FBLN1: variants seen among roughly 807,000 people sequenced by gnomAD.
The protein encoded by FBLN1 is fibulin-1.
FBLN1 carries 34 observed loss-of-function variants against 89.7 expected under a neutral mutation model. That is an observed-to-expected ratio of 0.38 (90% confidence interval 0.29 to 0.50). The LOEUF (loss-of-function observed/expected upper bound fraction) is 0.50. Ranked by LOEUF, FBLN1 falls within the 20% of genes least tolerant of loss-of-function variation. FBLN1 has a pLI of 0.92. For synonymous variants in FBLN1, 393 were observed against 391.3 expected (o/e 1.00, Z -0.05); for missense variants, 777 against 988.1 (o/e 0.79, Z 2.86).
intron 16 of FBLN1, among the ~76,000 whole-genome samples, chr22:45,586,648 G>A (rs1344143677): frequency 6.6e-6 from 1 of 152,214 alleles, no homozygotes; most frequent in African/African-American, 2.4e-5. Flanking sequence ...TGGTCCCCAC[G>A]GACACATGCC....
At chr22:45,506,408 A>G (rs1434765914) in intron 1 of FBLN1, among the ~76,000 whole-genome samples, 1 of 152,226 alleles carries the variant, frequency 6.6e-6, no homozygotes, top group East Asian at 1.9e-4. Context: ...GGGACAGCTC[A>G]GTGCCAGACA....
rs1264839921 is a variant in FBLN1 at position 45,588,811 on chromosome 22, A to T, written c.1973-11496A>T. Among the ~76,000 whole-genome samples the T allele has an allele frequency of 1.1e-5, 1 of 87,892 alleles. No homozygotes were observed. Among genetic ancestry groups the T allele is most frequent in the Admixed American group, 1.4e-4 (1 of 6,996 alleles). The allele number at this position is 87,892 out of a possible 152,430, so 57.7% of individuals were successfully genotyped here. On this transcript the variant is annotated intron_variant, in intron 16 of 16. Coordinates refer to ENST00000327858, the MANE Select transcript of FBLN1 (RefSeq NM_006486.3). This position sits in a 1 kb window ranked among gnomAD's most constrained non-coding sequence, Gnocchi z 5.1. ...CAGTAGAGGCATGTTGTGCAAAATT[A>T]GCAAAAAAAAAAAAAAAGGAATGAC...
chr22:45,547,316 T>TC (rs1300804674), intron 12 of FBLN1, 112 bp downstream of exon 12: 2 of 1,468,986 alleles, frequency 1.4e-6, no homozygotes, highest in African/African-American at 2.8e-5. Flanking sequence ...TGGGATTTCT[T>TC]CACCTGACAA....
chr22:45,564,986 TG>T, intron 14 of FBLN1: 1 of 1,613,904 alleles, frequency 6.2e-7, no homozygotes, highest in Non-Finnish European at 8.5e-7. Flanking sequence ...CCCACCTTGA[TG>T]CCTAGTGAGG....
chr22:45,548,776 C>T lies in FBLN1; in HGVS notation c.1573+32C>T, dbSNP rs751652567. The T allele has an allele frequency of 2.0e-5, 32 of 1,610,374 alleles. No homozygotes were observed. The East Asian group carries it at 2.5e-4, about 12-fold the overall frequency. ...AGGAGGGATGCCCTGGGGTCCCTCA[C>T]GCTCTGCTTGGGGCCCTGCAATGTC... On this transcript the variant is annotated intron_variant, in intron 13 of 16. Coordinates refer to ENST00000327858, the MANE Select transcript of FBLN1 (RefSeq NM_006486.3).
rs2089026239 is a variant in FBLN1 at position 45,579,579 on chromosome 22, G to A, written c.1972+2471G>A. 6.6e-6 allele frequency among the ~76,000 whole-genome samples: 1 copy of A among 152,196 alleles called. No homozygotes were observed. Among genetic ancestry groups the A allele is most frequent in the Non-Finnish European group, 1.5e-5 (1 of 68,016 alleles). On this transcript the variant is annotated intron_variant, in intron 16 of 16. Coordinates refer to ENST00000327858, the MANE Select transcript of FBLN1 (RefSeq NM_006486.3). This position sits in a 1 kb window ranked among gnomAD's most constrained non-coding sequence, Gnocchi z 5.5. The stretch of plus-strand genomic sequence containing the variant: ...CGTGCCTGTAGCCCTGTGTGCTGGG[G>A]AGGCCCCTGCCTCTTCCACGCCTCG...
In FBLN1 at chr22:45,530,398, T is replaced by C. The variant is rs974898260; in HGVS notation, c.485-867T>C. Among the ~76,000 whole-genome samples, 3 of 151,960 alleles carry C rather than the reference T, an allele frequency of 2.0e-5. No individual in the cohort carries two copies. Among genetic ancestry groups the C allele is most frequent in the African/African-American group, 7.3e-5 (3 of 41,370 alleles). ...CTTGCCCCAGACTATCCTCGCATGCTCCCTCCTCTGGGAGGGCTTCCTGTC... is the reference window on the plus strand; with the variant it reads ...CTTGCCCCAGACTATCCTCGCATGCCCCCTCCTCTGGGAGGGCTTCCTGTC... On this transcript the variant is annotated intron_variant, in intron 4 of 16. Transcript: ENST00000327858. This position sits in a 1 kb window ranked among gnomAD's most constrained non-coding sequence, Gnocchi z 5.4.
chr22:45,503,732 G>T (rs1455685625), intron 1 of FBLN1, among the ~76,000 whole-genome samples: 2 of 152,166 alleles, frequency 1.3e-5, no homozygotes. Flanking sequence ...GTTCTGCCGG[G>T]CTCGGTGCTC....
chr22:45,562,036 C>T lies in FBLN1; in HGVS notation c.1697+11421C>T, dbSNP rs2088855336. Among the ~76,000 whole-genome samples the T allele has an allele frequency of 1.3e-5, 2 of 152,182 alleles. No individual in the cohort carries two copies. Among genetic ancestry groups the T allele is most frequent in the Admixed American group, 6.5e-5 (1 of 15,276 alleles). ...AGCCCACTGACTCAAATGTGACTCT[C>T]TTTTGGCAACACCCTCACAGACACA... On this transcript the variant is annotated intron_variant, in intron 14 of 16. Transcript: ENST00000327858. This position sits in a 1 kb window ranked among gnomAD's most constrained non-coding sequence, Gnocchi z 7.8.
intron 16 of FBLN1, among the ~76,000 whole-genome samples, chr22:45,584,137 G>A (rs1466820316): frequency 2.0e-5 from 3 of 152,184 alleles, no homozygotes; most frequent in Admixed American, 6.5e-5. Context: ...GCCCTGCTCT[G>A]GTGTGGGAGT....
Position 45,506,230 on chromosome 22 carries a change from C to T in FBLN1, c.79+3166C>T, listed in dbSNP as rs1309230641. Among the ~76,000 whole-genome samples, 4 of 152,264 alleles carry T rather than the reference C, an allele frequency of 2.6e-5. No individual in the cohort carries two copies. The South Asian group carries it at 6.2e-4, about 24-fold the overall frequency. On this transcript the variant is annotated intron_variant, in intron 1 of 16. Coordinates refer to ENST00000327858, the MANE Select transcript of FBLN1 (RefSeq NM_006486.3). ...CGGGAAGAGCGCAATTCTGCCAATA[C>T]CCCAGAATTGTTTTCCCCAAGATGC...
chr22:45,538,346 CA>C (rs1340490788), intron 8 of FBLN1, among the ~76,000 whole-genome samples: 2 of 152,218 alleles, frequency 1.3e-5, no homozygotes, highest in African/African-American at 4.8e-5. Flanking sequence ...ACTTATAAAT[CA>C]GCAAACAAAA....
intron 11 of FBLN1, among the ~76,000 whole-genome samples, chr22:45,543,927 CAG>C: frequency 6.6e-6 from 1 of 152,296 alleles, no homozygotes; most frequent in Middle Eastern, 3.4e-3. Flanking sequence ...TGCACAAAGA[CAG>C]TGTGTGGGTT....
Position 45,549,787 on chromosome 22 carries a change from G to A in FBLN1, c.1574-705G>A, listed in dbSNP as rs1818639252. ...CTGCTCCAGAGTCTATGGGAGTTGG[G>A]CTGCTCCCCCATCTCCAGGGGCCTC... On this transcript the variant is annotated intron_variant, in intron 13 of 16. Transcript: ENST00000327858. This position sits in a 1 kb window ranked among gnomAD's most constrained non-coding sequence, Gnocchi z 5.7. Among the ~76,000 whole-genome samples the A allele has an allele frequency of 6.6e-6, 1 of 152,170 alleles. No homozygotes were observed. The highest frequency in any genetic ancestry group is 2.1e-4 in the South Asian group (1 of 4,834).
intron 14 of FBLN1, among the ~76,000 whole-genome samples, chr22:45,569,888 G>T (rs918516289): frequency 6.6e-6 from 1 of 152,096 alleles, no homozygotes; most frequent in Admixed American, 6.5e-5. Context: ...CAAATGCACA[G>T]CTATTATAAG....
intron 1 of FBLN1, among the ~76,000 whole-genome samples, chr22:45,504,448 A>C (rs2146932036): frequency 6.6e-6 from 1 of 151,450 alleles, no homozygotes; most frequent in African/African-American, 2.4e-5. Context: ...GCTTGATGTA[A>C]GGGGAGCGCG....
rs2088485467 is a variant in FBLN1 at position 45,536,620 on chromosome 22, C to G, written c.922+1283C>G. On this transcript the variant is annotated intron_variant, in intron 8 of 16. Transcript: ENST00000327858. The surrounding 1 kb of genome is among the most constrained non-coding windows in gnomAD (Gnocchi z 5.1). ...TCTCTACTAAAAATACAAAAATTAG[C>G]TGGGCGTAGTGATGGGCGCCTGTAA... 6.6e-6 allele frequency among the ~76,000 whole-genome samples: 1 copy of G among 152,038 alleles called. No homozygotes were observed. The highest frequency in any genetic ancestry group is 1.5e-5 in the Non-Finnish European group (1 of 68,010).
intron 11 of FBLN1, among the ~76,000 whole-genome samples, chr22:45,544,368 TG>T (rs2088598990): frequency 6.6e-6 from 1 of 152,180 alleles, no homozygotes; most frequent in Non-Finnish European, 1.5e-5. Flanking sequence ...ATTACAGGCG[TG>T]AGCCACCGCG....
intron 16 of FBLN1, among the ~76,000 whole-genome samples, chr22:45,592,785 G>T (rs2089150122): frequency 6.6e-6 from 1 of 152,092 alleles, no homozygotes; most frequent in African/African-American, 2.4e-5. Context: ...GCCTGTTTGG[G>T]TCTCCTCTGA....
Sources: gnomAD v4.1 joint callset for allele counts (sites outside exome capture counted in the v4.1 genomes callset) on GRCh38, gnomAD v4.1.1 for gene constraint, Gnocchi (gnomAD v3.1) non-coding constraint, MANE v1.5 for transcripts, NCBI Gene and HGNC (gene_info 2026-07-23, HGNC 2026-07-21) for gene names.